AFAP1L1: variants seen among roughly 807,000 people sequenced by gnomAD.
The protein encoded by AFAP1L1 is actin filament-associated protein 1-like 1.
In AFAP1L1, 77 loss-of-function variants were observed where a neutral mutation model predicts 99.8. The ratio of observed to expected loss-of-function variants is 0.77; its 90% CI spans 0.64 to 0.93. The LOEUF is 0.93. AFAP1L1 is among the 40% of genes least tolerant of loss of function. The pLI is 0.00. For missense variants in AFAP1L1, 893 were observed against 996.8 expected (o/e 0.90, Z 1.40); for synonymous variants, 373 against 395.3 (o/e 0.94, Z 0.67).
chr5:149,273,216 G>GTGT (rs932736390), intron 1 of AFAP1L1, among the ~76,000 whole-genome samples: 8 of 149,672 alleles, frequency 5.3e-5, no homozygotes, highest in African/African-American at 9.9e-5. Context: ...AACAGGCGAA[G>GTGT]TGTTGTTGTT....
intron 1 of AFAP1L1, among the ~76,000 whole-genome samples, chr5:149,291,353 C>A (rs1755848024): frequency 6.6e-6 from 1 of 151,524 alleles, no homozygotes; most frequent in Non-Finnish European, 1.5e-5. Context: ...ATGGTGAAAC[C>A]CCATCTCTAC....
intron 1 of AFAP1L1, among the ~76,000 whole-genome samples, chr5:149,273,719 C>T (rs114564100): frequency 4.3e-3 from 649 of 152,182 alleles, no homozygotes; most frequent in South Asian, 0.011. Flanking sequence ...TCCTGCTGTT[C>T]CCACCTCCTG....
chr5:149,306,345 A>C lies in AFAP1L1; in HGVS notation c.476A>C (p.Tyr159Ser). 6.2e-7 allele frequency: 1 copy of C among 1,613,620 alleles called. No individual in the cohort carries two copies. The highest frequency in any genetic ancestry group is 8.5e-7 in the Non-Finnish European group (1 of 1,179,810). ...SPSHSIVDGY[Y>S]EDADSSYPAT... ...TCACACTCGATTGTGGATGGCTACT[A>C]TGAGGACGCAGACAGCAGCTACCCT... is the stretch of plus-strand genomic sequence containing the variant. Residue 159 changes from tyrosine (Y) to serine (S), a missense_variant, in exon 6 of 19, where the codon TAT (tyrosine) becomes TCT (serine). By Grantham distance (144) the Tyr-to-Ser change is moderately radical. Coordinates refer to ENST00000296721, the MANE Select transcript of AFAP1L1 (RefSeq NM_152406.4).
chr5:149,307,830 C>G (rs1340611936), intron 7 of AFAP1L1, among the ~76,000 whole-genome samples: 1 of 146,864 alleles, frequency 6.8e-6, no homozygotes, highest in Admixed American at 6.8e-5. Context: ...CTCTCTCTCT[C>G]TCTCTCTCTC....
At chr5:149,304,700 C>G (rs1756341829) in intron 5 of AFAP1L1, among the ~76,000 whole-genome samples, 1 of 152,166 alleles carries the variant, frequency 6.6e-6, no homozygotes, top group Non-Finnish European at 1.5e-5. Context: ...TCCCCACGCC[C>G]CCTCACCCTT....
intron 8 of AFAP1L1, among the ~76,000 whole-genome samples, chr5:149,311,763 G>C (rs1295597546): frequency 6.6e-6 from 1 of 152,202 alleles, no homozygotes; most frequent in Non-Finnish European, 1.5e-5. Flanking sequence ...TGGTCACACT[G>C]TCCTCAGGCA....
intron 1 of AFAP1L1, among the ~76,000 whole-genome samples, chr5:149,282,683 C>A (rs756664150): frequency 1.3e-5 from 2 of 152,196 alleles, no homozygotes; most frequent in African/African-American, 2.4e-5. Context: ...CAGAGGCCAA[C>A]AAAGCCTAAA....
intron 9 of AFAP1L1, among the ~76,000 whole-genome samples, chr5:149,314,998 T>C (rs1756752791): frequency 6.6e-6 from 1 of 152,202 alleles, no homozygotes; most frequent in South Asian, 2.1e-4. Flanking sequence ...GTGGGTGGAA[T>C]TCAAGTGAAA....
chr5:149,278,365 C>T (rs956862782), intron 1 of AFAP1L1, among the ~76,000 whole-genome samples: 2 of 152,174 alleles, frequency 1.3e-5, no homozygotes, highest in South Asian at 2.1e-4. Flanking sequence ...AAATGGCTTC[C>T]ACTTCCATTG....
intron 1 of AFAP1L1, among the ~76,000 whole-genome samples, chr5:149,296,587 G>A (rs1455429601): frequency 3.9e-5 from 6 of 152,218 alleles, no homozygotes; most frequent in African/African-American, 9.6e-5. Context: ...ATGTTTGTGT[G>A]TATGAGACAG....
At chr5:149,303,474 T>C (rs1756296736) in intron 5 of AFAP1L1, among the ~76,000 whole-genome samples, 1 of 152,186 alleles carries the variant, frequency 6.6e-6, no homozygotes, top group Non-Finnish European at 1.5e-5. Context: ...TCAGCATGAG[T>C]AGTTGAATTT....
At chr5:149,274,170 A>G (rs1755234319) in intron 1 of AFAP1L1, among the ~76,000 whole-genome samples, 1 of 152,184 alleles carries the variant, frequency 6.6e-6, no homozygotes. Flanking sequence ...CCCTACCCAG[A>G]AGTAAGCTTC....
Position 149,307,818 on chromosome 5 carries a change from T to TTCTCTC in AFAP1L1, c.747+239_747+244dup, listed in dbSNP as rs70973517. ...ACACACACACACCCTGTGCCTCTCT[T>TTCTCTC]TCTCTCTCTCTCTCTCTCTCTCTCT... On this transcript the variant is annotated intron_variant, in intron 7 of 18. Transcript: ENST00000296721. 7.1e-3 allele frequency among the ~76,000 whole-genome samples: 710 copies of TTCTCTC among 100,560 alleles called. 50 individuals are homozygous for TTCTCTC. Among genetic ancestry groups the TTCTCTC allele is most frequent in the African/African-American group, 0.012 (306 of 25,372 alleles). The allele number at this position is 100,560 out of a possible 152,430, so 66.0% of individuals were successfully genotyped here. A position where few individuals can be genotyped will look rare whatever the true frequency, so the allele number is the denominator to read the frequency against.
chr5:149,299,876 C>G (rs1365813970), intron 2 of AFAP1L1, among the ~76,000 whole-genome samples: 1 of 151,954 alleles, frequency 6.6e-6, no homozygotes, highest in African/African-American at 2.4e-5. Context: ...GCTCTTTGTA[C>G]TCCTTCACCC....
intron 5 of AFAP1L1, among the ~76,000 whole-genome samples, chr5:149,303,405 G>GT (rs940777151): frequency 7.6e-4 from 115 of 152,260 alleles, no homozygotes; most frequent in African/African-American, 2.6e-3. Context: ...GAAGTCACTT[G>GT]TTTGGGTAAA....
chr5:149,313,014 C>A (rs923911411), intron 9 of AFAP1L1, among the ~76,000 whole-genome samples: 2 of 151,696 alleles, frequency 1.3e-5, no homozygotes, highest in African/African-American at 4.8e-5. Flanking sequence ...GTAATCCCAG[C>A]TACTCAGGAG....
intron 1 of AFAP1L1, among the ~76,000 whole-genome samples, chr5:149,284,220 G>A (rs574845617): frequency 7.2e-5 from 11 of 152,302 alleles, no homozygotes; most frequent in South Asian, 2.1e-4. Flanking sequence ...TCTCCCAGTC[G>A]CTTACTGGGT....
chr5:149,334,851 C>G (rs1757357534), intron 17 of AFAP1L1, among the ~76,000 whole-genome samples: 2 of 151,844 alleles, frequency 1.3e-5, no homozygotes, highest in South Asian at 4.2e-4. Context: ...GGACCTCCAG[C>G]CTTGGCAAGA....
chr5:149,334,115 G>T (rs2127605002), intron 17 of AFAP1L1, among the ~76,000 whole-genome samples: 1 of 152,332 alleles, frequency 6.6e-6, no homozygotes, highest in South Asian at 2.1e-4. Context: ...GAGACTCAAA[G>T]AGATGAAATA....
Sources: allele counts gnomAD v4.1 joint callset (sites outside exome capture counted in the v4.1 genomes callset), GRCh38; gene constraint gnomAD v4.1.1; transcripts MANE v1.5; gene names NCBI Gene and HGNC (gene_info 2026-07-23, HGNC 2026-07-21).